RALYL: variants seen among roughly 807,000 people sequenced by gnomAD.
The protein encoded by RALYL is RNA-binding Raly-like protein.
A neutral mutation model predicts 35.1 loss-of-function variants in RALYL; 29 were observed. The observed-to-expected ratio is 0.83, with a 90% CI of 0.61 to 1.13. RALYL has a LOEUF of 1.13. Ranked by LOEUF, RALYL falls within the 50% of genes most tolerant of loss-of-function variation. The pLI is 0.00. For missense variants in RALYL, 359 were observed against 360.4 expected, an observed-to-expected ratio of 1.00 and a Z score of 0.03; for synonymous variants, 120 against 127.6, an observed-to-expected ratio of 0.94 and a Z score of 0.40.
intron 2 of RALYL, among the ~76,000 whole-genome samples, chr8:84,752,649 C>T (rs536043588): frequency 6.7e-4 from 102 of 152,276 alleles, no homozygotes; most frequent in South Asian, 2.1e-3. Context: ...GGGAACACTG[C>T]TCCCTGCTTC....
chr8:84,662,258 T>C (rs1831085673), intron 2 of RALYL, among the ~76,000 whole-genome samples: 1 of 152,280 alleles, frequency 6.6e-6, no homozygotes, highest in African/African-American at 2.4e-5. Context: ...TGCTTTCATT[T>C]CCTACCTTGC....
intron 2 of RALYL, among the ~76,000 whole-genome samples, chr8:84,656,935 G>C (rs1363902554): frequency 1.3e-5 from 2 of 151,926 alleles, no homozygotes; most frequent in Non-Finnish European, 2.9e-5. Flanking sequence ...AAAACACATG[G>C]GACAATGGAA....
intron 1 of RALYL, among the ~76,000 whole-genome samples, chr8:84,489,092 T>A (rs2054963643): frequency 6.6e-6 from 1 of 152,046 alleles, no homozygotes; most frequent in Non-Finnish European, 1.5e-5. Context: ...GTGCTCAAGG[T>A]CTCTATCTTC....
At chr8:84,681,089 A>G (rs1390571512) in intron 2 of RALYL, among the ~76,000 whole-genome samples, 1 of 150,894 alleles carries the variant, frequency 6.6e-6, no homozygotes, top group Non-Finnish European at 1.5e-5. Context: ...TTTTCCCAGG[A>G]CCATTTATTA....
intron 1 of RALYL, among the ~76,000 whole-genome samples, chr8:84,490,283 C>T (rs1233941574): frequency 2.0e-5 from 3 of 151,792 alleles, no homozygotes; most frequent in Admixed American, 6.6e-5. Context: ...CTTACTGGGG[C>T]GATTTCAGAG....
rs985848125 is a variant in RALYL at position 84,275,757 on chromosome 8, T to C, written c.-24+91333T>C. Among the ~76,000 whole-genome samples, 8 of 152,234 alleles carry C rather than the reference T, an allele frequency of 5.3e-5. No homozygotes were observed. The East Asian group carries it at 1.5e-3, about 29-fold the overall frequency. On this transcript the variant is annotated intron_variant, in intron 1 of 8. Coordinates refer to ENST00000521268, the MANE Select transcript of RALYL (RefSeq NM_173848.7). ...GTGAGATCAACTCTATTAGACTCAG[T>C]TGAATATTTATTTCTTTTACAAGGA...
At chr8:84,540,456 A>C (rs950592987) in intron 2 of RALYL, among the ~76,000 whole-genome samples, 2 of 151,944 alleles carry the variant, frequency 1.3e-5, no homozygotes, top group Non-Finnish European at 2.9e-5. Flanking sequence ...CATTCAAATG[A>C]ATTTTTATTT....
intron 1 of RALYL, among the ~76,000 whole-genome samples, chr8:84,352,881 T>G (rs546826378): frequency 6.7e-6 from 1 of 150,070 alleles, no homozygotes; most frequent in African/African-American, 2.5e-5. Flanking sequence ...CTTATGTCGT[T>G]TTTTTACTCT....
chr8:84,833,971 A>G (rs1831447435), intron 4 of RALYL, among the ~76,000 whole-genome samples: 1 of 151,844 alleles, frequency 6.6e-6, no homozygotes, highest in African/African-American at 2.4e-5. Flanking sequence ...TTTTGACATC[A>G]TTCTCCAACA....
chr8:84,660,447 A>G (rs1024665947), intron 2 of RALYL, among the ~76,000 whole-genome samples: 59 of 151,616 alleles, frequency 3.9e-4, no homozygotes, highest in African/African-American at 1.3e-3. Flanking sequence ...AGAGGTATTT[A>G]TTTTGCTTTT....
chr8:84,882,838 A>G (rs1242005189), intron 7 of RALYL, among the ~76,000 whole-genome samples: 1 of 151,986 alleles, frequency 6.6e-6, no homozygotes, highest in Non-Finnish European at 1.5e-5. Flanking sequence ...AACGAACTAA[A>G]CGTTACTCAT....
chr8:84,448,982 C>T (rs956853536), intron 1 of RALYL, among the ~76,000 whole-genome samples: 1 of 151,682 alleles, frequency 6.6e-6, no homozygotes, highest in Non-Finnish European at 1.5e-5. Context: ...TGTTAATATG[C>T]GAATATCCAG....
intron 1 of RALYL, among the ~76,000 whole-genome samples, chr8:84,514,715 C>T (rs376316586): frequency 6.6e-5 from 10 of 152,272 alleles, no homozygotes; most frequent in African/African-American, 2.4e-4. Flanking sequence ...ACACATATAG[C>T]AGCATCAGTT....
chr8:84,595,609 T>G (rs966215604), intron 2 of RALYL, among the ~76,000 whole-genome samples: 1 of 152,080 alleles, frequency 6.6e-6, no homozygotes, highest in Non-Finnish European at 1.5e-5. Flanking sequence ...TTAAACAAAA[T>G]GTTTGAAACT....
chr8:84,474,448 A>G (rs1322610297), intron 1 of RALYL, among the ~76,000 whole-genome samples: 1 of 152,206 alleles, frequency 6.6e-6, no homozygotes, highest in Non-Finnish European at 1.5e-5. Context: ...TCCTACTACA[A>G]TTTTATGTTA....
intron 1 of RALYL, among the ~76,000 whole-genome samples, chr8:84,472,205 C>A (rs1215597906): frequency 6.6e-6 from 1 of 152,070 alleles, no homozygotes; most frequent in Non-Finnish European, 1.5e-5. Flanking sequence ...TTCATTTATT[C>A]ATTATTCAGA....
intron 1 of RALYL, among the ~76,000 whole-genome samples, chr8:84,320,938 C>A (rs1325288107): frequency 6.6e-6 from 1 of 152,056 alleles, no homozygotes; most frequent in Admixed American, 6.6e-5. Flanking sequence ...GTAATTCCTA[C>A]TTGGACTTAA....
intron 8 of RALYL, among the ~76,000 whole-genome samples, chr8:84,917,434 C>G (rs146959828): frequency 6.6e-6 from 1 of 151,662 alleles, no homozygotes; most frequent in East Asian, 1.9e-4. Flanking sequence ...AAGGGTTAGC[C>G]CAATTTACAT....
Position 84,654,567 on chromosome 8 carries a change from C to T in RALYL, c.257-120012C>T, listed in dbSNP as rs1829584995. Among the ~76,000 whole-genome samples, 3 of 151,734 alleles carry T rather than the reference C, an allele frequency of 2.0e-5. No individual in the cohort carries two copies. The South Asian group carries it at 6.2e-4, about 32-fold the overall frequency. On this transcript the variant is annotated intron_variant, in intron 2 of 8. Coordinates refer to ENST00000521268, the MANE Select transcript of RALYL (RefSeq NM_173848.7). Reference sequence around the variant, plus strand: ...ATTTTCTGTACCCATTAATCATCCCCACTTCCTACCACCACTGCTCTTTCC... The same window carrying T: ...ATTTTCTGTACCCATTAATCATCCCTACTTCCTACCACCACTGCTCTTTCC...
Sources: gnomAD v4.1 joint callset for allele counts (sites outside exome capture counted in the v4.1 genomes callset) on GRCh38, gnomAD v4.1.1 for gene constraint, MANE v1.5 for transcripts, NCBI Gene and HGNC (gene_info 2026-07-23, HGNC 2026-07-21) for gene names.